Variants in NRG4 observed in about 807,000 individuals in gnomAD.
NRG4 encodes the protein neuregulin 4.
In NRG4, 10 loss-of-function variants were observed where a neutral mutation model predicts 15.0. That is an observed-to-expected ratio of 0.67 (90% CI 0.41 to 1.13). NRG4 has a LOEUF of 1.13. Among genes scored for constraint, NRG4 ranks in the 50% most tolerant of loss-of-function variants. NRG4 has a pLI of 0.00. For synonymous variants in NRG4, 41 were observed against 50.1 expected (o/e 0.82, Z 0.77); for missense variants, 139 against 140.2 (o/e 0.99, Z 0.04).
Position 75,966,694 on chromosome 15 carries a change from G to A in NRG4, c.105-4720C>T, listed in dbSNP as rs538788345. On this transcript the variant is annotated intron_variant, in intron 3 of 5. Transcript: ENST00000394907. ...AAGAGAAAGTCTAATACTGGCATAC[G>A]TCAAATCTGGCTTCCACCTGATACT... 2.6e-4 allele frequency among the ~76,000 whole-genome samples: 39 copies of A among 152,226 alleles called. 1 individual carries two copies. In the South Asian group the frequency reaches 5.6e-3, roughly 22 times the overall value.
At position 76,051,117 on chromosome 15, in the gene NRG4, T is replaced by TGCCTCA. The variant is rs1473900587; in HGVS notation, c.-105+944_-105+949dup. On this transcript the variant is annotated intron_variant, in intron 4 of 8. Transcript: ENST00000563910. ...GCCTGCCGGGTTCACGCCATTCTCC[T>TGCCTCA]GCCTCAGCCTCCCAAGTAGCTGGGA... 1.3e-5 allele frequency among the ~76,000 whole-genome samples: 2 copies of TGCCTCA among 148,172 alleles called. 1 individual carries two copies. The highest frequency in any genetic ancestry group is 3.0e-5 in the Non-Finnish European group (2 of 66,792).
upstream of NRG4, among the ~76,000 whole-genome samples, chr15:76,016,078 G>T (rs548599210): frequency 1.3e-5 from 2 of 152,088 alleles, no homozygotes; most frequent in African/African-American, 4.8e-5. Context: ...GTGTTGGGAG[G>T]GGGTATGTGT....
chr15:75,968,637 G>A (rs1210684074), intron 3 of NRG4, among the ~76,000 whole-genome samples: 3 of 150,832 alleles, frequency 2.0e-5, no homozygotes, highest in South Asian at 4.2e-4. Context: ...GCATGCAGCT[G>A]AGTGCGTAAT....
intron 3 of NRG4, among the ~76,000 whole-genome samples, chr15:75,984,668 A>G (rs1420189683): frequency 1.3e-5 from 2 of 152,182 alleles, no homozygotes; most frequent in African/African-American, 4.8e-5. Flanking sequence ...GAATAGCATT[A>G]GGAGAAATAC....
chr15:76,055,127 A>T, intron 2 of NRG4, among the ~76,000 whole-genome samples: 1 of 152,182 alleles, frequency 6.6e-6, no homozygotes, highest in Non-Finnish European at 1.5e-5. Flanking sequence ...TGAAAAAAAT[A>T]CAAAAATTAG....
At chr15:75,984,553 C>T (rs991900227) in intron 3 of NRG4, among the ~76,000 whole-genome samples, 37 of 152,048 alleles carry the variant, frequency 2.4e-4, no homozygotes, top group Admixed American at 2.3e-3. Context: ...AACCAAACAC[C>T]GCATGTTCTC....
rs1475620610 is a variant in NRG4, at chr15:75,961,963, T to C, written c.116A>G (p.Asn39Ser). 1.9e-6 allele frequency: 3 copies of C among 1,608,214 alleles called. No homozygotes were observed. The highest frequency in any genetic ancestry group is 1.7e-6 in the Non-Finnish European group (2 of 1,177,138). The change falls in exon 4 of 6, where the codon AAC (asparagine) becomes AGC (serine). Residue 39 changes from asparagine to serine, a missense_variant. Coordinates refer to ENST00000394907, the MANE Select transcript of NRG4 (RefSeq NM_138573.4). The stretch of plus-strand genomic sequence containing the variant: ...CTCTTCACAACGAGCTCCTGTATAG[T>C]TTTCAACGCACCTACAGAATAAAAT... Reference protein sequence around the residue: ...IPSPFCRCVENYTGARCEEVF... With the variant: ...IPSPFCRCVESYTGARCEEVF...
chr15:75,941,249 TG>T lies in NRG4; in HGVS notation c.*2388del, dbSNP rs1242976839. 6.6e-6 allele frequency: 1 copy of T among 152,106 alleles called. No homozygotes were observed. The highest frequency in any genetic ancestry group is 1.5e-5 in the Non-Finnish European group (1 of 67,992). The allele number at this position is 152,106 out of a possible 1,614,324, so 9.4% of individuals were successfully genotyped here. A position where few individuals can be genotyped will look rare whatever the true frequency, so the allele number is the denominator to read the frequency against. ...CATTGAGATACCACTTCATACCCAC[TG>T]GGATAGCTCTTATTAAAATTAAAAA... On this transcript the variant is annotated 3_prime_UTR_variant, in exon 6 of 6. Transcript: ENST00000394907.
intron 5 of NRG4, among the ~76,000 whole-genome samples, chr15:75,949,051 T>C (rs2031715950): frequency 1.3e-5 from 2 of 152,178 alleles, no homozygotes; most frequent in South Asian, 4.1e-4. Context: ...CGAGACCCTG[T>C]CTCAAACAAA....
At chr15:76,038,847 C>A (rs1362599454) in intron 4 of NRG4, among the ~76,000 whole-genome samples, 1 of 152,222 alleles carries the variant, frequency 6.6e-6, no homozygotes, top group South Asian at 2.1e-4. Context: ...CCAGCACAGT[C>A]CCACTGGTGG....
chr15:75,967,604 G>A (rs2032872156), intron 3 of NRG4, among the ~76,000 whole-genome samples: 1 of 151,710 alleles, frequency 6.6e-6, no homozygotes, highest in Non-Finnish European at 1.5e-5. Context: ...TGGGACCACA[G>A]GTGTGCACCA....
In NRG4 at chr15:75,976,284, C is replaced by G. The variant is rs185421085; in HGVS notation, c.105-14310G>C. On this transcript the variant is annotated intron_variant, in intron 3 of 5. Coordinates refer to ENST00000394907, the MANE Select transcript of NRG4 (RefSeq NM_138573.4). ...CTTCCTTGTATTGGGTTAGAACATG[C>G]TCGTTTAGCTTGAAGGAGTTTGTTA... is the stretch of plus-strand genomic sequence containing the variant. 1.8e-3 allele frequency among the ~76,000 whole-genome samples: 277 copies of G among 152,260 alleles called. 2 individuals are homozygous for G. Among genetic ancestry groups the G allele is most frequent in the Middle Eastern group, 3.4e-3 (1 of 294 alleles).
chr15:75,955,098 C>T (rs1408844378), intron 5 of NRG4, among the ~76,000 whole-genome samples: 15 of 152,090 alleles, frequency 9.9e-5, no homozygotes, highest in Non-Finnish European at 1.3e-4. Context: ...TGATTTTTTC[C>T]ACAACCTCAA....
chr15:75,973,343 T>C (rs1197810047), intron 3 of NRG4, among the ~76,000 whole-genome samples: 1 of 152,204 alleles, frequency 6.6e-6, no homozygotes, highest in Admixed American at 6.5e-5. Flanking sequence ...CTCTTCCTAT[T>C]TGAATACCCT....
chr15:75,936,293 G>A (rs1362412022), downstream of NRG4: 1 of 152,160 alleles, frequency 6.6e-6, no homozygotes, highest in African/African-American at 2.4e-5. Flanking sequence ...CTGGGTATGA[G>A]TTGGCTTAAT....
At chr15:75,966,056 G>A (rs1026910625) in intron 3 of NRG4, among the ~76,000 whole-genome samples, 2 of 152,202 alleles carry the variant, frequency 1.3e-5, no homozygotes, top group Non-Finnish European at 2.9e-5. Context: ...TCCACTAGGT[G>A]AGAAATTCTG....
intron 4 of NRG4, 150 bp downstream of exon 4, chr15:75,961,678 T>C: frequency 1.7e-6 from 1 of 585,156 alleles, no homozygotes; most frequent in South Asian, 2.7e-5. Context: ...CTTTCAAAAA[T>C]GAAATTAGTA....
intron 3 of NRG4, among the ~76,000 whole-genome samples, chr15:75,962,321 A>G (rs1246255100): frequency 6.6e-6 from 1 of 152,224 alleles, no homozygotes; most frequent in East Asian, 1.9e-4. Context: ...TCTGGTATAG[A>G]TAATGATCTA....
rs147698798 is a variant in NRG4 at position 76,055,419 on chromosome 15, T to C, written c.-262+1535A>G. Among the ~76,000 whole-genome samples, 800 of 152,370 alleles carry C rather than the reference T, an allele frequency of 5.3e-3. 11 individuals carry two copies. The highest frequency in any genetic ancestry group is 0.018 in the African/African-American group (758 of 41,590). The stretch of plus-strand genomic sequence containing the variant: ...GAACAATGTTTAAGTAATCAAGTTC[T>C]GTCTCTTCATCCTTAAAATCACTGT... On this transcript the variant is annotated intron_variant, in intron 2 of 8. Coordinates refer to the NRG4 transcript ENST00000563910.
Sources: gnomAD v4.1 joint callset for allele counts (sites outside exome capture counted in the v4.1 genomes callset) on GRCh38, gnomAD v4.1.1 for gene constraint, MANE v1.5 for transcripts, NCBI Gene and HGNC (gene_info 2026-07-23, HGNC 2026-07-21) for gene names.